CD96: variants seen among roughly 807,000 people sequenced by gnomAD.
CD96 encodes the protein T-cell surface protein tactile.
A neutral mutation model predicts 71.3 loss-of-function variants in CD96; 70 were observed. That is an observed-to-expected ratio of 0.98 (90% CI 0.81 to 1.20). The LOEUF is 1.20. Ranked by LOEUF, CD96 falls within the 50% of genes most tolerant of loss-of-function variation. The probability of loss-of-function intolerance (pLI) is 0.00; values close to 1 mark genes in which losing one functional copy is unlikely to be tolerated. For missense variants in CD96, 742 were observed against 677.5 expected (o/e 1.10, Z -1.06); for synonymous variants, 248 against 233.0 (o/e 1.06, Z -0.59).
chr3:111,571,413 T>C (rs1935980613), intron 3 of CD96, among the ~76,000 whole-genome samples: 1 of 151,956 alleles, frequency 6.6e-6, no homozygotes, highest in South Asian at 2.1e-4. Context: ...GTTTAATGAG[T>C]GGCAGCTCAT....
intron 4 of CD96, chr3:111,579,475 A>G: frequency 1.8e-6 from 1 of 571,346 alleles, no homozygotes; most frequent in Non-Finnish European, 3.2e-6. Flanking sequence ...TGTATTGGTC[A>G]GTTTTCTGTT....
At chr3:111,559,260 T>C (rs1935255419) in intron 2 of CD96, among the ~76,000 whole-genome samples, 1 of 129,450 alleles carries the variant, frequency 7.7e-6, no homozygotes, top group Non-Finnish European at 1.7e-5. Context: ...CTTTTGAATG[T>C]GTTTGCTCTT....
At chr3:111,546,673 G>C (rs1934409878) in intron 2 of CD96, among the ~76,000 whole-genome samples, 2 of 151,890 alleles carry the variant, frequency 1.3e-5, no homozygotes, top group Non-Finnish European at 1.5e-5. Flanking sequence ...AAGTGGCCTG[G>C]TAATATAAGA....
intron 10 of CD96, among the ~76,000 whole-genome samples, chr3:111,633,461 C>T (rs1323255567): frequency 6.6e-6 from 1 of 152,098 alleles, no homozygotes; most frequent in Non-Finnish European, 1.5e-5. Flanking sequence ...AAAATGGCAC[C>T]TATAGACTTG....
rs1422186657 is a variant in CD96, at chr3:111,585,234, A to T, written c.752-89A>T. On this transcript the variant is annotated intron_variant, in intron 4 of 13. Coordinates refer to ENST00000352690, the MANE Select transcript of CD96 (RefSeq NM_005816.5). Reference sequence around the variant, plus strand: ...AAATATTAATATTTAATGAATGAAGATGCTTATAGACACACACACACATAC... The same window carrying T: ...AAATATTAATATTTAATGAATGAAGTTGCTTATAGACACACACACACATAC... The T allele has an allele frequency of 5.3e-6, 3 of 568,300 alleles. No homozygotes were observed. The East Asian group carries it at 9.2e-5, about 18-fold the overall frequency. 35.2% of individuals were successfully genotyped at this position (568,300 alleles called of 1,614,324 possible). A position where few individuals can be genotyped will look rare whatever the true frequency, so the allele number is the denominator to read the frequency against.
intron 2 of CD96, among the ~76,000 whole-genome samples, chr3:111,553,377 C>T (rs1337517308): frequency 6.6e-6 from 1 of 151,118 alleles, no homozygotes; most frequent in African/African-American, 2.4e-5. Flanking sequence ...GACTTATAAA[C>T]TCTAAGTTAT....
Position 111,600,887 on chromosome 3 carries a change from T to C in CD96, c.1060T>C (p.Ser354Pro), listed in dbSNP as rs757421905. Reference sequence around the variant, plus strand: ...CCCAGGAAATAAAGTGTGGAACATCTCATCAGAAAAGATCACTTTTCTCTT... The same window carrying C: ...CCCAGGAAATAAAGTGTGGAACATCCCATCAGAAAAGATCACTTTTCTCTT... ...PVPGNKVWNI[S>P]SEKITFLLGS... Residue 354 changes from serine to proline, a missense_variant, in exon 7 of 14, where the codon TCA becomes CCA. Transcript: ENST00000352690. The C allele has an allele frequency of 4.3e-6, 7 of 1,612,454 alleles. No individual in the cohort carries two copies. Among genetic ancestry groups the C allele is most frequent in the South Asian group, 1.1e-5 (1 of 91,038 alleles).
At chr3:111,625,643 A>G (rs1164821412) in intron 10 of CD96, among the ~76,000 whole-genome samples, 1 of 152,208 alleles carries the variant, frequency 6.6e-6, no homozygotes. Context: ...TAAGATCTTT[A>G]TGTCAAAAGC....
intron 3 of CD96, among the ~76,000 whole-genome samples, chr3:111,577,291 C>T (rs886119635): frequency 6.6e-6 from 1 of 152,140 alleles, no homozygotes; most frequent in Non-Finnish European, 1.5e-5. Context: ...TCCTGACACA[C>T]AAAAAAGCAA....
intron 8 of CD96, among the ~76,000 whole-genome samples, chr3:111,622,582 T>G (rs1416976525): frequency 6.6e-6 from 1 of 152,212 alleles, no homozygotes; most frequent in Non-Finnish European, 1.5e-5. Flanking sequence ...GCCCATGTTC[T>G]CTATTTAAGG....
intron 8 of CD96, among the ~76,000 whole-genome samples, chr3:111,618,371 T>C (rs985032241): frequency 6.6e-6 from 1 of 152,026 alleles, no homozygotes; most frequent in African/African-American, 2.4e-5. Flanking sequence ...AAAATGAGAG[T>C]AACATTATCT....
At chr3:111,558,951 A>C (rs1213824761) in intron 2 of CD96, among the ~76,000 whole-genome samples, 1 of 152,252 alleles carries the variant, frequency 6.6e-6, no homozygotes, top group East Asian at 1.9e-4. Flanking sequence ...TGTATGTGTC[A>C]AGGAATTTAT....
intron 2 of CD96, among the ~76,000 whole-genome samples, chr3:111,549,943 G>A (rs925110648): frequency 6.6e-6 from 1 of 152,164 alleles, no homozygotes; most frequent in African/African-American, 2.4e-5. Context: ...ATCTGAGTGT[G>A]AGTGTTAACT....
At chr3:111,631,264 A>G (rs1490441575) in intron 10 of CD96, among the ~76,000 whole-genome samples, 1 of 152,096 alleles carries the variant, frequency 6.6e-6, no homozygotes, top group Admixed American at 6.5e-5. Context: ...TCTCAGCCCA[A>G]AACTTCTTAA....
At chr3:111,580,690 C>T (rs928811171) in intron 4 of CD96, among the ~76,000 whole-genome samples, 4 of 152,168 alleles carry the variant, frequency 2.6e-5, no homozygotes, top group Non-Finnish European at 5.9e-5. Flanking sequence ...CTGCATCCTC[C>T]CCCTTCTCTT....
chr3:111,624,206 T>C (rs1402097835), intron 9 of CD96, 127 bp from the exon 10 acceptor site: 1 of 737,260 alleles, frequency 1.4e-6, no homozygotes, highest in South Asian at 1.4e-5. Flanking sequence ...TGTTCCTGCA[T>C]AGGGAAGCAC....
chr3:111,584,940 C>G (rs1054458712), intron 4 of CD96, among the ~76,000 whole-genome samples: 2 of 152,110 alleles, frequency 1.3e-5, no homozygotes, highest in African/African-American at 4.8e-5. Context: ...CACTGATAAC[C>G]ACATCACATC....
chr3:111,611,042 T>TGCCTC lies in CD96; in HGVS notation c.1180+4251_1180+4255dup, dbSNP rs1301804703. ...ACGATCCTGTGTGACCCACTTGCCTTGCCTCCTGTTTTACTGCCCATCAGT... is the reference window on the plus strand; with the variant it reads ...ACGATCCTGTGTGACCCACTTGCCTTGCCTCGCCTCCTGTTTTACTGCCCATCAGT... On this transcript the variant is annotated intron_variant, in intron 8 of 13. Transcript: ENST00000352690. Among the ~76,000 whole-genome samples, 4 of 152,178 alleles carry TGCCTC rather than the reference T, an allele frequency of 2.6e-5. No individual in the cohort carries two copies. The East Asian group carries it at 7.7e-4, about 29-fold the overall frequency.
intron 2 of CD96, among the ~76,000 whole-genome samples, chr3:111,554,268 G>A (rs575884759): frequency 1.3e-5 from 2 of 151,864 alleles, no homozygotes; most frequent in African/African-American, 2.4e-5. Context: ...TCTCTATGAT[G>A]TCCAATAAGT....
Sources: gnomAD v4.1 joint callset for allele counts (sites outside exome capture counted in the v4.1 genomes callset) on GRCh38, gnomAD v4.1.1 for gene constraint, MANE v1.5 for transcripts, NCBI Gene and HGNC (gene_info 2026-07-23, HGNC 2026-07-21) for gene names.